Variants in ATP2C2 observed in about 807,000 individuals in gnomAD.
The protein encoded by ATP2C2 is calcium-transporting ATPase type 2C member 2.
ATP2C2 carries 171 observed loss-of-function variants against 110.8 expected under a neutral mutation model. The observed-to-expected ratio is 1.54, with a 90% CI of 1.36 to 1.75. ATP2C2 has a LOEUF of 1.75. Among genes scored for constraint, ATP2C2 ranks in the 40% most tolerant of loss-of-function variants. The pLI is 0.00. For synonymous variants in ATP2C2, 804 were observed against 508.4 expected (o/e 1.58, Z -7.82); for missense variants, 1,963 against 1,235.0 (o/e 1.59, Z -8.84).
chr16:84,446,436 A>C lies in ATP2C2; in HGVS notation c.1503+6A>C. 6.4e-7 allele frequency: 1 copy of C among 1,571,810 alleles called. No individual in the cohort carries two copies. The highest frequency in any genetic ancestry group is 8.6e-7 in the Non-Finnish European group (1 of 1,158,978). The stretch of plus-strand genomic sequence containing the variant: ...AATGCAGTCTGAAGACTGAGGTGAG[A>C]CCTTTCAATCTTCAACCTCTTCTCT... On this transcript the variant is annotated splice_donor_region_variant and intron_variant, in intron 16 of 26. Coordinates refer to ENST00000262429, the MANE Select transcript of ATP2C2 (RefSeq NM_014861.4).
At chr16:84,455,070 A>AGGGC in intron 21 of ATP2C2, 86 bp downstream of exon 21, 1 of 1,198,578 alleles carries the variant, frequency 8.3e-7, no homozygotes, top group Non-Finnish European at 1.2e-6. Flanking sequence ...GTGGAGATAG[A>AGGGC]GGGGGGGGTC....
At chr16:84,379,475 T>G (rs566497533) in intron 1 of ATP2C2, among the ~76,000 whole-genome samples, 1 of 152,354 alleles carries the variant, frequency 6.6e-6, no homozygotes, top group African/African-American at 2.4e-5. Flanking sequence ...TGATCCTTTC[T>G]TTTGATGACA....
chr16:84,463,462 G>C lies in ATP2C2; in HGVS notation c.2723-152G>C, dbSNP rs924943835. Reference sequence around the variant, plus strand: ...TGGAACTGCAGCATTTTGGATTCTGGGTTAGGAAGATCTCCCTGCCTTCAG... The same window carrying C: ...TGGAACTGCAGCATTTTGGATTCTGCGTTAGGAAGATCTCCCTGCCTTCAG... On this transcript the variant is annotated intron_variant, in intron 26 of 26. Transcript: ENST00000262429. The C allele has an allele frequency of 6.0e-6, 4 of 665,342 alleles. No homozygotes were observed. In the Admixed American group the frequency reaches 1.0e-4, roughly 17 times the overall value. 41.2% of individuals were successfully genotyped at this position (665,342 alleles called of 1,614,324 possible).
At chr16:84,459,861 G>A (rs1039768940) in intron 23 of ATP2C2, 1 of 385,374 alleles carries the variant, frequency 2.6e-6, no homozygotes, top group Non-Finnish European at 4.9e-6. Flanking sequence ...CATCCCTGAT[G>A]TCTAGAGATA....
At chr16:84,460,333 T>C in intron 23 of ATP2C2, 1 of 386,288 alleles carries the variant, frequency 2.6e-6, no homozygotes, top group Admixed American at 4.1e-5. Context: ...AGCCTGTTTC[T>C]CCAGGCGCAA....
chr16:84,402,526 C>T (rs987140376), intron 2 of ATP2C2, among the ~76,000 whole-genome samples: 1 of 152,038 alleles, frequency 6.6e-6, no homozygotes, highest in Non-Finnish European at 1.5e-5. Context: ...ATGTTGAATT[C>T]TGTCACGTTT....
intron 13 of ATP2C2, among the ~76,000 whole-genome samples, chr16:84,440,439 C>T (rs1019629984): frequency 3.3e-5 from 5 of 152,228 alleles, no homozygotes; most frequent in Middle Eastern, 3.2e-3. Flanking sequence ...ACCACCACAC[C>T]CATTTGTGTA....
At chr16:84,408,816 A>C (rs978382627) in intron 4 of ATP2C2, among the ~76,000 whole-genome samples, 1 of 151,802 alleles carries the variant, frequency 6.6e-6, no homozygotes, top group African/African-American at 2.4e-5. Context: ...CCGAAGAACA[A>C]CACCTTTGAT....
chr16:84,373,699 T>C (rs181966804), intron 1 of ATP2C2, among the ~76,000 whole-genome samples: 3 of 152,108 alleles, frequency 2.0e-5, no homozygotes, highest in Non-Finnish European at 2.9e-5. Flanking sequence ...AGGCTGCCCA[T>C]TGGAATAGTA....
chr16:84,425,849 C>T lies in ATP2C2; in HGVS notation c.986+48C>T, dbSNP rs1567715418. ...TTGCCTTGCCAGGGTGGTCAATGGG[C>T]TCTGAGCCCTTCCCTGCCGCAAGAG... On this transcript the variant is annotated intron_variant, in intron 11 of 26. Coordinates refer to ENST00000262429, the MANE Select transcript of ATP2C2 (RefSeq NM_014861.4). 3.1e-6 allele frequency: 5 copies of T among 1,589,968 alleles called. No individual in the cohort carries two copies. The African/African-American group carries it at 4.0e-5, about 13-fold the overall frequency.
chr16:84,460,582 G>C (rs1476777645), intron 23 of ATP2C2, 72 bp from the exon 24 acceptor site: 1 of 1,607,872 alleles, frequency 6.2e-7, no homozygotes, highest in Non-Finnish European at 8.5e-7. Context: ...GGAGGCTCAG[G>C]CACAGCTGTT....
intron 6 of ATP2C2, 25 bp from the exon 7 acceptor site, chr16:84,415,458 T>C: frequency 1.3e-6 from 2 of 1,593,636 alleles, no homozygotes; most frequent in African/African-American, 1.3e-5. Context: ...ATGGATGCTT[T>C]TGCTTTTTAC....
At chr16:84,398,943 T>G (rs1316501156) in intron 2 of ATP2C2, among the ~76,000 whole-genome samples, 2 of 152,202 alleles carry the variant, frequency 1.3e-5, no homozygotes, top group Non-Finnish European at 2.9e-5. Context: ...AGTCCAGTGT[T>G]AGAGGTAGCA....
At chr16:84,399,290 C>T (rs1020896403) in intron 2 of ATP2C2, among the ~76,000 whole-genome samples, 1 of 152,204 alleles carries the variant, frequency 6.6e-6, no homozygotes, top group African/African-American at 2.4e-5. Flanking sequence ...AAGTCTGTTT[C>T]AATTCAAGTC....
intron 21 of ATP2C2, among the ~76,000 whole-genome samples, chr16:84,455,549 C>A (rs990375139): frequency 6.6e-6 from 1 of 151,898 alleles, no homozygotes; most frequent in Non-Finnish European, 1.5e-5. Context: ...GTATTTTTTT[C>A]TTAATACATT....
intron 25 of ATP2C2, 58 bp from the exon 26 acceptor site, chr16:84,461,930 C>T: frequency 6.2e-7 from 1 of 1,608,372 alleles, no homozygotes; most frequent in African/African-American, 1.3e-5. Context: ...CAGAGCTCCC[C>T]TGCCTGTACC....
At chr16:84,378,430 C>A (rs1461006942) in intron 1 of ATP2C2, among the ~76,000 whole-genome samples, 1 of 152,180 alleles carries the variant, frequency 6.6e-6, no homozygotes, top group Non-Finnish European at 1.5e-5. Context: ...GCATTGGATT[C>A]CCCTTCTGAC....
chr16:84,421,036 C>T lies in ATP2C2; in HGVS notation c.625-1354C>T, dbSNP rs531262183. ...GGCCAGGCTGGTCTCGAACTCCTGA[C>T]TTCAAGTGATCTGCCTGCCTCGGCC... On this transcript the variant is annotated intron_variant, in intron 7 of 26. Transcript: ENST00000262429. 4.7e-3 allele frequency among the ~76,000 whole-genome samples: 718 copies of T among 152,252 alleles called. 5 individuals carry two copies. Among genetic ancestry groups the T allele is most frequent in the African/African-American group, 0.016 (681 of 41,524 alleles).
In ATP2C2 at chr16:84,461,974, CCTT is replaced by C. The variant is rs752474720; in HGVS notation, c.2581-11_2581-9del. ...GGACAGCACACAATCCCCCGTGTGA[CCTT>C]CTCCCTGCAGACCAAGCTGATATTT... On this transcript the variant is annotated splice_polypyrimidine_tract_variant and intron_variant, in intron 25 of 26. Coordinates refer to ENST00000262429, the MANE Select transcript of ATP2C2 (RefSeq NM_014861.4). 3.5e-5 allele frequency: 57 copies of C among 1,612,126 alleles called. No individual in the cohort carries two copies. The highest frequency in any genetic ancestry group is 4.8e-5 in the Non-Finnish European group (56 of 1,178,602).
Sources: gnomAD v4.1 joint callset for allele counts (sites outside exome capture counted in the v4.1 genomes callset) on GRCh38, gnomAD v4.1.1 for gene constraint, MANE v1.5 for transcripts, NCBI Gene and HGNC (gene_info 2026-07-23, HGNC 2026-07-21) for gene names.